The following INSM1 variants were observed in gnomAD, a reference collection of about 807,000 sequenced individuals.
INSM1 encodes insulinoma-associated protein 1.
In INSM1, 11 loss-of-function variants were observed where a neutral mutation model predicts 21.1. The ratio of observed to expected loss-of-function variants is 0.52; its 90% confidence interval spans 0.33 to 0.86. INSM1 has a LOEUF of 0.86. INSM1 is among the 40% of genes least tolerant of loss of function. The probability of loss-of-function intolerance (pLI) is 0.03; values close to 1 mark genes in which losing one functional copy is unlikely to be tolerated. For missense variants in INSM1, 843 were observed against 760.1 expected, an observed-to-expected ratio of 1.11 and a Z score of -1.28; for synonymous variants, 473 against 386.1, an observed-to-expected ratio of 1.23 and a Z score of -2.64.
Position 20,369,242 on chromosome 20 carries a change from C to T in INSM1, c.975C>T (p.Ala325=). ...ACAAACCGCGGCCCGCGCCCGCCGC[C>T]GCCCGCGCGCCGGAGCCAGAAGCAG... is the stretch of plus-strand genomic sequence containing the variant. ...RWHKPRPAPA[A]ARAPEPEAAA... The change falls in exon 1 of 1, where the codon GCC becomes GCT. Residue 325 remains alanine, a synonymous_variant. Coordinates refer to ENST00000310227, the MANE Select transcript of INSM1 (RefSeq NM_002196.3). The surrounding 1 kb of genome is among the most constrained non-coding windows in gnomAD (Gnocchi z 5.6). The T allele has an allele frequency of 2.8e-6, 4 of 1,444,154 alleles. No individual in the cohort carries two copies. In the South Asian group the frequency reaches 5.6e-5, roughly 20 times the overall value. 89.5% of individuals were successfully genotyped at this position (1,444,154 alleles called of 1,614,324 possible).
In INSM1 at chr20:20,370,373, A is replaced by T. The variant is rs898992365; in HGVS notation, c.*573A>T. The T allele has an allele frequency of 4.8e-5, 8 of 167,066 alleles. No individual in the cohort carries two copies. Among genetic ancestry groups the T allele is most frequent in the African/African-American group, 1.9e-4 (8 of 41,440 alleles). The allele number at this position is 167,066 out of a possible 1,614,324, so 10.3% of individuals were successfully genotyped here. Reference sequence around the variant, plus strand: ...TGTGAACAAATCAAATTGCTTAAAAAAGAGTTTTCTTTAGTATAGCCACAA... The same window carrying T: ...TGTGAACAAATCAAATTGCTTAAAATAGAGTTTTCTTTAGTATAGCCACAA... On this transcript the variant is annotated 3_prime_UTR_variant, in exon 1 of 1. Coordinates refer to ENST00000310227, the MANE Select transcript of INSM1 (RefSeq NM_002196.3).
Position 20,369,327 on chromosome 20 carries a change from C to A in INSM1, c.1060C>A (p.Pro354Thr). 1 of 1,432,364 alleles carries A rather than the reference C, an allele frequency of 7.0e-7. No homozygotes were observed. The highest frequency in any genetic ancestry group is 9.1e-7 in the Non-Finnish European group (1 of 1,104,662). 88.7% of individuals were successfully genotyped at this position (1,432,364 alleles called of 1,614,324 possible). A position where few individuals can be genotyped will look rare whatever the true frequency, so the allele number is the denominator to read the frequency against. The change falls in exon 1 of 1, where the codon CCC becomes ACC. Residue 354 changes from proline (P) to threonine (T), a missense_variant. Pro to Thr is a conservative substitution (Grantham distance 38). Transcript: ENST00000310227. This position sits in a 1 kb window ranked among gnomAD's most constrained non-coding sequence, Gnocchi z 5.6. ...CGGCAGCGACCGGGACACGCCGAGC[C>A]CCGGCGGCGTGTCCGAGTCGGGCTC... ...GGGSDRDTPS[P>T]GGVSESGSED...
Position 20,368,300 on chromosome 20 carries a change from G to T in INSM1, c.33G>T (p.Lys11Asn). MPRGFLVKRS[K>N]KSTPVSYRVR... Reference sequence around the variant, plus strand: ...GCGGCTTCCTGGTGAAGCGCAGCAAGAAGTCCACGCCCGTTTCCTACCGGG... The same window carrying T: ...GCGGCTTCCTGGTGAAGCGCAGCAATAAGTCCACGCCCGTTTCCTACCGGG... Residue 11 changes from lysine (K) to asparagine (N), a missense_variant, in exon 1 of 1, where the codon AAG becomes AAT. Physicochemically the swap from Lys to Asn is moderately conservative, Grantham distance 94 (BLOSUM62 0). Transcript: ENST00000310227. This position sits in a 1 kb window ranked among gnomAD's most constrained non-coding sequence, Gnocchi z 4.3. 7.6e-7 allele frequency: 1 copy of T among 1,316,774 alleles called. No homozygotes were observed. Among genetic ancestry groups the T allele is most frequent in the South Asian group, 1.5e-5 (1 of 67,148 alleles). 81.6% of individuals were successfully genotyped at this position (1,316,774 alleles called of 1,614,324 possible). A position where few individuals can be genotyped will look rare whatever the true frequency, so the allele number is the denominator to read the frequency against.
chr20:20,368,433 C>T lies in INSM1; in HGVS notation c.166C>T (p.Pro56Ser), dbSNP rs2059484271. ...PSPVPGPLPP[P>S]PPAERAHAAL... ...CCCGGTCCCCGGGCCGCTGCCGCCG[C>T]CGCCGCCCGCGGAGCGCGCCCATGC... Residue 56 changes from proline (P) to serine (S), a missense_variant, in exon 1 of 1, where the codon CCG becomes TCG. By Grantham distance (74) the Pro-to-Ser change is moderately conservative. Coordinates refer to ENST00000310227, the MANE Select transcript of INSM1 (RefSeq NM_002196.3). This position sits in a 1 kb window ranked among gnomAD's most constrained non-coding sequence, Gnocchi z 4.3. The T allele has an allele frequency of 1.0e-6, 1 of 988,982 alleles. No individual in the cohort carries two copies. Among genetic ancestry groups the T allele is most frequent in the Non-Finnish European group, 1.2e-6 (1 of 833,882 alleles). 61.3% of individuals were successfully genotyped at this position (988,982 alleles called of 1,614,324 possible). A position where few individuals can be genotyped will look rare whatever the true frequency, so the allele number is the denominator to read the frequency against.
chr20:20,368,858 C>A lies in INSM1; in HGVS notation c.591C>A (p.Pro197=), dbSNP rs1233860683. The change falls in exon 1 of 1, where the codon CCC becomes CCA. Residue 197 remains proline, a synonymous_variant. Transcript: ENST00000310227. This position sits in a 1 kb window ranked among gnomAD's most constrained non-coding sequence, Gnocchi z 4.3. ...PPLPPAAALR[P]PGKRPPPPTA... is the part of the protein sequence containing the mutation. ...TGCCCCCTGCCGCCGCCCTGCGGCC[C>A]CCGGGAAAGCGGCCCCCGCCCCCTA... is the stretch of plus-strand genomic sequence containing the variant. The A allele has an allele frequency of 2.0e-5, 27 of 1,356,092 alleles. No homozygotes were observed. The highest frequency in any genetic ancestry group is 2.6e-5 in the Non-Finnish European group (27 of 1,054,620). The allele number at this position is 1,356,092 out of a possible 1,614,324, so 84.0% of individuals were successfully genotyped here.
rs1315672039 is a variant in INSM1, at chr20:20,369,385, C to T, written c.1118C>T (p.Ala373Val). Residue 373 changes from alanine to valine, a missense_variant, in exon 1 of 1, where the codon GCC (alanine) becomes GTC (valine). Transcript: ENST00000310227. This position sits in a 1 kb window ranked among gnomAD's most constrained non-coding sequence, Gnocchi z 5.6. Reference sequence around the variant, plus strand: ...GGGCTCTACGAGTGCCATCACTGCGCCAAGAAGTTCCGCCGCCAGGCCTAC... The same window carrying T: ...GGGCTCTACGAGTGCCATCACTGCGTCAAGAAGTTCCGCCGCCAGGCCTAC... ...EDGLYECHHC[A>V]KKFRRQAYLR... The T allele has an allele frequency of 6.4e-7, 1 of 1,550,510 alleles. No individual in the cohort carries two copies.
Position 20,368,729 on chromosome 20 carries a change from C to T in INSM1, c.462C>T (p.Thr154=). The T allele has an allele frequency of 8.4e-7, 1 of 1,190,666 alleles. No individual in the cohort carries two copies. The highest frequency in any genetic ancestry group is 1.1e-6 in the Non-Finnish European group (1 of 950,054). The allele number at this position is 1,190,666 out of a possible 1,614,324, so 73.8% of individuals were successfully genotyped here. The change falls in exon 1 of 1, where the codon ACC becomes ACT. Residue 154 remains threonine (T), a synonymous_variant. Coordinates refer to ENST00000310227, the MANE Select transcript of INSM1 (RefSeq NM_002196.3). This position sits in a 1 kb window ranked among gnomAD's most constrained non-coding sequence, Gnocchi z 4.3. ...GGASGAGGGG[T]CGGDPLLFAP... ...CGAGCGGAGCTGGCGGAGGCGGCACCTGCGGCGGCGACCCGCTGCTCTTCG... is the reference window on the plus strand; with the variant it reads ...CGAGCGGAGCTGGCGGAGGCGGCACTTGCGGCGGCGACCCGCTGCTCTTCG...
Position 20,369,292 on chromosome 20 carries a change from C to T in INSM1, c.1025C>T (p.Ala342Val). The T allele has an allele frequency of 2.9e-6, 4 of 1,371,420 alleles. No individual in the cohort carries two copies. The highest frequency in any genetic ancestry group is 3.7e-6 in the Non-Finnish European group (4 of 1,075,154). 85.0% of individuals were successfully genotyped at this position (1,371,420 alleles called of 1,614,324 possible). Reference sequence around the variant, plus strand: ...GCAGCCAGGGCTGAGGCGCGGGAGGCACCCGGCGGCGGCAGCGACCGGGAC... The same window carrying T: ...GCAGCCAGGGCTGAGGCGCGGGAGGTACCCGGCGGCGGCAGCGACCGGGAC... ...EAAARAEARE[A>V]PGGGSDRDTP... Residue 342 changes from alanine (A) to valine (V), a missense_variant, in exon 1 of 1, where the codon GCA (alanine) becomes GTA (valine). Transcript: ENST00000310227. The surrounding 1 kb of genome is among the most constrained non-coding windows in gnomAD (Gnocchi z 5.6).
chr20:20,368,230 G>A lies in INSM1; in HGVS notation c.-38G>A. The A allele has an allele frequency of 9.1e-7, 1 of 1,104,392 alleles. No individual in the cohort carries two copies. The highest frequency in any genetic ancestry group is 1.1e-6 in the Non-Finnish European group (1 of 904,404). 68.4% of individuals were successfully genotyped at this position (1,104,392 alleles called of 1,614,324 possible). ...GGCCGCCGGGGCCGAGCGCGGAGGGGGGACCGAGCCAGTGCCGTGCCCTCG... is the reference window on the plus strand; with the variant it reads ...GGCCGCCGGGGCCGAGCGCGGAGGGAGGACCGAGCCAGTGCCGTGCCCTCG... On this transcript the variant is annotated 5_prime_UTR_variant, in exon 1 of 1. Coordinates refer to ENST00000310227, the MANE Select transcript of INSM1 (RefSeq NM_002196.3). The surrounding 1 kb of genome is among the most constrained non-coding windows in gnomAD (Gnocchi z 4.3).
Position 20,368,771 on chromosome 20 carries a change from G to A in INSM1, c.504G>A (p.Lys168=). The change falls in exon 1 of 1, where the codon AAG becomes AAA. Residue 168 remains lysine, a synonymous_variant. Coordinates refer to ENST00000310227, the MANE Select transcript of INSM1 (RefSeq NM_002196.3). The surrounding 1 kb of genome is among the most constrained non-coding windows in gnomAD (Gnocchi z 4.3). ...TGCTCTTCGCGCCCGCCGAGCTCAA[G>A]ATGGGCACGGCGTTCTCGGCTGGCG... ...DPLLFAPAEL[K]MGTAFSAGAE... 8.8e-7 allele frequency: 1 copy of A among 1,131,734 alleles called. No individual in the cohort carries two copies. The highest frequency in any genetic ancestry group is 1.1e-6 in the Non-Finnish European group (1 of 904,520). The allele number at this position is 1,131,734 out of a possible 1,614,324, so 70.1% of individuals were successfully genotyped here. A position where few individuals can be genotyped will look rare whatever the true frequency, so the allele number is the denominator to read the frequency against.
Position 20,369,584 on chromosome 20 carries a change from G to C in INSM1, c.1317G>C (p.Glu439Asp), listed in dbSNP as rs1254991227. The change falls in exon 1 of 1, where the codon GAG (glutamate) becomes GAC (aspartate). Residue 439 changes from glutamate (E) to aspartate (D), a missense_variant. By Grantham distance (45) the Glu-to-Asp change is conservative (BLOSUM62 2). Coordinates refer to ENST00000310227, the MANE Select transcript of INSM1 (RefSeq NM_002196.3). The surrounding 1 kb of genome is among the most constrained non-coding windows in gnomAD (Gnocchi z 5.6). ...AGVLGLSASA[E>D]CHLCPVCGES... ...TGCTGGGCCTGAGTGCGTCCGCCGA[G>C]TGCCACCTGTGCCCAGTGTGCGGAG... is the stretch of plus-strand genomic sequence containing the variant. 1 of 1,599,324 alleles carries C rather than the reference G, an allele frequency of 6.3e-7. No individual in the cohort carries two copies. Among genetic ancestry groups the C allele is most frequent in the South Asian group, 1.1e-5 (1 of 90,952 alleles).
chr20:20,368,641 C>G lies in INSM1; in HGVS notation c.374C>G (p.Pro125Arg). ...GAACGCAGCTTCAACCTGGGCTCGC[C>G]GGTCTCGGCCGAGTCCTTCCCCACG... ...YFERSFNLGSPVSAESFPTPA... is the reference protein window; with the variant it reads ...YFERSFNLGSRVSAESFPTPA... Residue 125 changes from proline to arginine, a missense_variant, in exon 1 of 1, where the codon CCG becomes CGG. Pro to Arg is a moderately radical substitution (Grantham distance 103, BLOSUM62 -2). Transcript: ENST00000310227. This position sits in a 1 kb window ranked among gnomAD's most constrained non-coding sequence, Gnocchi z 4.3. 1 of 1,439,462 alleles carries G rather than the reference C, an allele frequency of 6.9e-7. No individual in the cohort carries two copies. Among genetic ancestry groups the G allele is most frequent in the Non-Finnish European group, 9.2e-7 (1 of 1,081,376 alleles). 89.2% of individuals were successfully genotyped at this position (1,439,462 alleles called of 1,614,324 possible). A position where few individuals can be genotyped will look rare whatever the true frequency, so the allele number is the denominator to read the frequency against.
chr20:20,368,405 G>C lies in INSM1; in HGVS notation c.138G>C (p.Pro46=). ...GCGCCCGCGCCGAGCCCCCGGCGCC[G>C]AGCCCGGTCCCCGGGCCGCTGCCGC... ...CGGARAEPPA[P]SPVPGPLPPP... The change falls in exon 1 of 1, where the codon CCG becomes CCC. Residue 46 remains proline, a synonymous_variant. Coordinates refer to ENST00000310227, the MANE Select transcript of INSM1 (RefSeq NM_002196.3). This position sits in a 1 kb window ranked among gnomAD's most constrained non-coding sequence, Gnocchi z 4.3. The C allele has an allele frequency of 2.0e-6, 2 of 1,006,578 alleles. No homozygotes were observed. Among genetic ancestry groups the C allele is most frequent in the South Asian group, 4.2e-5 (1 of 23,578 alleles). 62.4% of individuals were successfully genotyped at this position (1,006,578 alleles called of 1,614,324 possible).
In INSM1 at chr20:20,368,723, C is replaced by A. The variant is rs2059486046; in HGVS notation, c.456C>A (p.Gly152=). 1 of 1,194,310 alleles carries A rather than the reference C, an allele frequency of 8.4e-7. No individual in the cohort carries two copies. Among genetic ancestry groups the A allele is most frequent in the South Asian group, 3.6e-5 (1 of 28,088 alleles). The allele number at this position is 1,194,310 out of a possible 1,614,324, so 74.0% of individuals were successfully genotyped here. A position where few individuals can be genotyped will look rare whatever the true frequency, so the allele number is the denominator to read the frequency against. ...GCGGCGCGAGCGGAGCTGGCGGAGG[C>A]GGCACCTGCGGCGGCGACCCGCTGC... The part of the protein sequence containing the change: ...GGGGASGAGG[G]GTCGGDPLLF... The change falls in exon 1 of 1, where the codon GGC becomes GGA. Residue 152 remains glycine, a synonymous_variant. Transcript: ENST00000310227. This position sits in a 1 kb window ranked among gnomAD's most constrained non-coding sequence, Gnocchi z 4.3.
In INSM1 at chr20:20,370,507, C is replaced by T. The variant is rs539962643; in HGVS notation, c.*707C>T. 9 of 167,170 alleles carry T rather than the reference C, an allele frequency of 5.4e-5. No homozygotes were observed. Among genetic ancestry groups the T allele is most frequent in the African/African-American group, 1.4e-4 (6 of 41,580 alleles). 10.4% of individuals were successfully genotyped at this position (167,170 alleles called of 1,614,324 possible). ...TTCACGTAAGACTTTTTGGTTTGATCATCTTTGTTGAGGTAGGACTATCAG... is the reference window on the plus strand; with the variant it reads ...TTCACGTAAGACTTTTTGGTTTGATTATCTTTGTTGAGGTAGGACTATCAG... On this transcript the variant is annotated 3_prime_UTR_variant, in exon 1 of 1. Transcript: ENST00000310227.
At position 20,369,973 on chromosome 20, in the gene INSM1, C is replaced by A. The variant is rs2059493960; in HGVS notation, c.*173C>A. 1 of 624,784 alleles carries A rather than the reference C, an allele frequency of 1.6e-6. No individual in the cohort carries two copies. The highest frequency in any genetic ancestry group is 2.8e-6 in the Non-Finnish European group (1 of 359,170). The allele number at this position is 624,784 out of a possible 1,614,324, so 38.7% of individuals were successfully genotyped here. A position where few individuals can be genotyped will look rare whatever the true frequency, so the allele number is the denominator to read the frequency against. On this transcript the variant is annotated 3_prime_UTR_variant, in exon 1 of 1. Coordinates refer to ENST00000310227, the MANE Select transcript of INSM1 (RefSeq NM_002196.3). The surrounding 1 kb of genome is among the most constrained non-coding windows in gnomAD (Gnocchi z 5.6). ...GGTGTGGCGTGACGGTAACCCCATA[C>A]TCTCCTTTTGACTCCTTTTGGAACC...
Position 20,369,707 on chromosome 20 carries a change from C to G in INSM1, c.1440C>G (p.Ser480Arg). ...AGTACTGCCCGGCCACCTTCTACAG[C>G]TCGCCCGGCCTTACGCGGCACATCA... is the stretch of plus-strand genomic sequence containing the variant. ...PCKYCPATFY[S>R]SPGLTRHINK... Residue 480 changes from serine to arginine, a missense_variant, in exon 1 of 1, where the codon AGC becomes AGG. Transcript: ENST00000310227. The surrounding 1 kb of genome is among the most constrained non-coding windows in gnomAD (Gnocchi z 5.6). 6 of 1,601,196 alleles carry G rather than the reference C, an allele frequency of 3.7e-6. 1 individual carries two copies. In the South Asian group the frequency reaches 6.6e-5, roughly 18 times the overall value.
At position 20,368,544 on chromosome 20, in the gene INSM1, G is replaced by GCTGCGCACCCCGCGC; in HGVS notation, c.279_293dup (p.Ala94_Pro98dup). 1 of 1,375,334 alleles carries GCTGCGCACCCCGCGC rather than the reference G, an allele frequency of 7.3e-7. No homozygotes were observed. The highest frequency in any genetic ancestry group is 9.6e-7 in the Non-Finnish European group (1 of 1,044,996). The allele number at this position is 1,375,334 out of a possible 1,614,324, so 85.2% of individuals were successfully genotyped here. On this transcript the variant is annotated inframe_insertion, in exon 1 of 1. Coordinates refer to ENST00000310227, the MANE Select transcript of INSM1 (RefSeq NM_002196.3). The surrounding 1 kb of genome is among the most constrained non-coding windows in gnomAD (Gnocchi z 4.3). ...GGCCGCGCACTTCGGCAACCCCGAGGCTGCGCACCCCGCGCCGCTCTACAG... is the reference window on the plus strand; with the variant it reads ...GGCCGCGCACTTCGGCAACCCCGAGGCTGCGCACCCCGCGCCTGCGCACCCCGCGCCGCTCTACAG...
At position 20,368,815 on chromosome 20, in the gene INSM1, C is replaced by G; in HGVS notation, c.548C>G (p.Pro183Arg). ...FSAGAEAARG[P>R]GPGPPLPPAA... ...GCTGGCGCCGAGGCGGCCCGCGGCC[C>G]GGGCCCCGGCCCCCCACTGCCCCCT... Residue 183 changes from proline (P) to arginine (R), a missense_variant, in exon 1 of 1, where the codon CCG (proline) becomes CGG (arginine). By Grantham distance (103) the Pro-to-Arg change is moderately radical. Transcript: ENST00000310227. The surrounding 1 kb of genome is among the most constrained non-coding windows in gnomAD (Gnocchi z 4.3). 2 of 1,106,246 alleles carry G rather than the reference C, an allele frequency of 1.8e-6. No homozygotes were observed. The highest frequency in any genetic ancestry group is 2.3e-6 in the Non-Finnish European group (2 of 888,282). 68.5% of individuals were successfully genotyped at this position (1,106,246 alleles called of 1,614,324 possible). A position where few individuals can be genotyped will look rare whatever the true frequency, so the allele number is the denominator to read the frequency against.
Sources: allele counts gnomAD v4.1 joint callset, GRCh38; gene constraint gnomAD v4.1.1; non-coding constraint Gnocchi (gnomAD v3.1); transcripts MANE v1.5; gene names NCBI Gene and HGNC (gene_info 2026-07-23, HGNC 2026-07-21).